LOC400499: variants seen among roughly 807,000 people sequenced by gnomAD.
the LOC400499 span, chr16:11,439,411 T>C: frequency 5.0e-6 from 2 of 398,208 alleles, no homozygotes; most frequent in Non-Finnish European, 4.4e-6. Flanking sequence ...TTTCTGCCCA[T>C]CTCCCAGCAG....
the LOC400499 span, among the ~76,000 whole-genome samples, chr16:11,437,559 A>AAAAATT: frequency 9.9e-5 from 15 of 151,492 alleles, no homozygotes; most frequent in Non-Finnish European, 1.8e-4. Flanking sequence ...ACCCTGTCTT[A>AAAAATT]AAAATTAAAA....
chr16:11,469,196 G>A, the LOC400499 span: 1 of 399,596 alleles, frequency 2.5e-6, no homozygotes, highest in Non-Finnish European at 4.4e-6. Context: ...AGACGTCCCT[G>A]TCATCCAGCA....
the LOC400499 span, among the ~76,000 whole-genome samples, chr16:11,386,554 T>C: frequency 0.22 from 33,927 of 152,154 alleles, 4,665 homozygotes; most frequent in African/African-American, 0.39. Context: ...GGTTCCCCCA[T>C]AGACATGAGG....
At chr16:11,445,306 A>G in the LOC400499 span, among the ~76,000 whole-genome samples, 2 of 152,096 alleles carry the variant, frequency 1.3e-5, no homozygotes, top group African/African-American at 2.4e-5. Context: ...CTGTTATCCC[A>G]GCTACCTGGG....
the LOC400499 span, among the ~76,000 whole-genome samples, chr16:11,526,378 C>T: frequency 5.3e-5 from 8 of 152,090 alleles, no homozygotes; most frequent in East Asian, 3.8e-4. Flanking sequence ...GGTGAAACCC[C>T]GTCTCCACAA....
chr16:11,473,531 G>C, the LOC400499 span, among the ~76,000 whole-genome samples: 1 of 152,128 alleles, frequency 6.6e-6, no homozygotes, highest in Non-Finnish European at 1.5e-5. Flanking sequence ...AAAGCAGGCG[G>C]ATCACCCGAG....
At chr16:11,439,452 C>A in the LOC400499 span, 13 of 398,866 alleles carry the variant, frequency 3.3e-5, no homozygotes, top group Middle Eastern at 1.3e-3. Context: ...CCTTGGCAGG[C>A]GAGTCAAGGT....
At chr16:11,446,395 C>A in the LOC400499 span, among the ~76,000 whole-genome samples, 584 of 152,126 alleles carry the variant, frequency 3.8e-3, 2 homozygotes, top group African/African-American at 0.013. Flanking sequence ...TGGTCTTAAG[C>A]GATCTTCTCA....
At chr16:11,450,809 G>T in the LOC400499 span, 1 of 1,530,710 alleles carries the variant, frequency 6.5e-7, no homozygotes. Context: ...GGACTATCCA[G>T]GTTCAAGGCT....
the LOC400499 span, chr16:11,478,430 G>T: frequency 7.5e-6 from 3 of 398,110 alleles, no homozygotes; most frequent in South Asian, 1.4e-4. Flanking sequence ...GGAAGAGCTG[G>T]GATTGGACCT....
At chr16:11,495,827 C>CTCCCAA in the LOC400499 span, among the ~76,000 whole-genome samples, 1 of 152,116 alleles carries the variant, frequency 6.6e-6, no homozygotes, top group Non-Finnish European at 1.5e-5. Context: ...GGGTAAGGGA[C>CTCCCAA]GTGCCTCAGG....
chr16:11,421,880 C>T, the LOC400499 span, among the ~76,000 whole-genome samples: 3 of 152,278 alleles, frequency 2.0e-5, no homozygotes, highest in East Asian at 1.9e-4. Context: ...ATAGTGTGAA[C>T]GACCATAGCA....
the LOC400499 span, among the ~76,000 whole-genome samples, chr16:11,384,524 AG>A: frequency 6.6e-6 from 1 of 152,176 alleles, no homozygotes; most frequent in Admixed American, 6.5e-5. Context: ...GAGAAAGCAC[AG>A]GGGCTCAGGG....
chr16:11,375,146 C>T, the LOC400499 span, among the ~76,000 whole-genome samples: 1 of 145,176 alleles, frequency 6.9e-6, no homozygotes, highest in Non-Finnish European at 1.5e-5. Context: ...CTGCACCTGA[C>T]CTATTAACTC....
the LOC400499 span, among the ~76,000 whole-genome samples, chr16:11,418,198 G>C: frequency 6.6e-6 from 1 of 152,180 alleles, no homozygotes; most frequent in South Asian, 2.1e-4. Context: ...TGTAAATAAA[G>C]TTGTTGGAAC....
the LOC400499 span, among the ~76,000 whole-genome samples, chr16:11,480,176 A>C: frequency 2.0e-5 from 3 of 152,202 alleles, no homozygotes; most frequent in Admixed American, 6.5e-5. Context: ...GCTGCCATTC[A>C]TCACTGCACT....
chr16:11,378,390 A>C, the LOC400499 span, among the ~76,000 whole-genome samples: 8 of 152,026 alleles, frequency 5.3e-5, no homozygotes, highest in South Asian at 1.5e-3. Flanking sequence ...CAGCCTCCCA[A>C]GTAACTGGGA....
the LOC400499 span, among the ~76,000 whole-genome samples, chr16:11,381,350 C>T: frequency 5.3e-5 from 8 of 152,062 alleles, no homozygotes; most frequent in Non-Finnish European, 1.2e-4. Context: ...GCAATCTCGC[C>T]TCAGCCTCCC....
chr16:11,475,501 T>C, the LOC400499 span: 735 of 395,724 alleles, frequency 1.9e-3, 12 homozygotes, highest in African/African-American at 0.014. Flanking sequence ...AGATACTTTT[T>C]GGTTTGCAGA....
Sources: gnomAD v4.1 joint callset for allele counts (sites outside exome capture counted in the v4.1 genomes callset) on GRCh38, gnomAD v4.1.1 for gene constraint, MANE v1.5 for transcripts.